The following GRIK2 variants were observed in gnomAD, a reference collection of about 807,000 sequenced individuals.
GRIK2 encodes glutamate receptor ionotropic, kainate 2.
Under a neutral mutation model 100.3 loss-of-function variants are expected in GRIK2, and 32 were observed. The observed-to-expected ratio is 0.32, with a 90% CI of 0.24 to 0.43. The LOEUF is 0.43. Among genes scored for constraint, GRIK2 ranks in the 20% least tolerant of loss-of-function variants. The pLI, the probability that GRIK2 is intolerant of heterozygous loss-of-function variation, is 1.00. For missense variants in GRIK2, 843 were observed against 1,114.9 expected (o/e 0.76, Z 3.47); for synonymous variants, 417 against 389.4 (o/e 1.07, Z -0.83).
chr6:101,797,027 G>T (rs1362953136), intron 7 of GRIK2, among the ~76,000 whole-genome samples: 1 of 151,894 alleles, frequency 6.6e-6, no homozygotes, highest in Non-Finnish European at 1.5e-5. Flanking sequence ...TATTAAATAA[G>T]GTTACTACTC....
chr6:101,979,765 A>G (rs185555393), intron 14 of GRIK2, among the ~76,000 whole-genome samples: 1 of 152,096 alleles, frequency 6.6e-6, no homozygotes, highest in East Asian at 2.0e-4. Context: ...GACATTTTCT[A>G]TATGTTAAGC....
chr6:101,917,026 G>A (rs1562485842), intron 12 of GRIK2, among the ~76,000 whole-genome samples: 1 of 151,512 alleles, frequency 6.6e-6, no homozygotes, highest in Non-Finnish European at 1.5e-5. Flanking sequence ...CAGATAGGTG[G>A]TAAGGTTGTC....
intron 2 of GRIK2, among the ~76,000 whole-genome samples, chr6:101,577,626 T>G (rs1368703629): frequency 6.6e-6 from 1 of 152,160 alleles, no homozygotes; most frequent in Non-Finnish European, 1.5e-5. Context: ...ATAGTGGATC[T>G]GTTTATCTTA....
chr6:102,045,055 A>C (rs933263400), intron 15 of GRIK2, among the ~76,000 whole-genome samples: 1 of 152,070 alleles, frequency 6.6e-6, no homozygotes, highest in Non-Finnish European at 1.5e-5. Flanking sequence ...ACCATAAATG[A>C]ATCAATTTTT....
At chr6:101,679,739 A>G (rs1044887790) in intron 5 of GRIK2, among the ~76,000 whole-genome samples, 5 of 151,908 alleles carry the variant, frequency 3.3e-5, no homozygotes, top group East Asian at 1.9e-4. Context: ...TCTACCTCCA[A>G]TTTTGTTTGT....
At chr6:101,843,826 A>G (rs1783655398) in intron 10 of GRIK2, among the ~76,000 whole-genome samples, 1 of 152,160 alleles carries the variant, frequency 6.6e-6, no homozygotes, top group Non-Finnish European at 1.5e-5. Context: ...ATTTAAGTTT[A>G]TTTTAATTTT....
chr6:101,393,904 G>C (rs191485996), intron 1 of GRIK2, among the ~76,000 whole-genome samples, 67 bp downstream of exon 1: 30 of 151,876 alleles, frequency 2.0e-4, no homozygotes, highest in Non-Finnish European at 3.7e-4. Flanking sequence ...TCAAGAGGAC[G>C]GGAGGGACTG....
intron 2 of GRIK2, among the ~76,000 whole-genome samples, chr6:101,482,759 C>T (rs530710271): frequency 3.3e-5 from 5 of 152,072 alleles, no homozygotes; most frequent in East Asian, 1.9e-4. Context: ...GAAGAAGTAA[C>T]GAATGAGATC....
At chr6:101,451,524 G>T (rs1253967317) in intron 2 of GRIK2, among the ~76,000 whole-genome samples, 1 of 151,544 alleles carries the variant, frequency 6.6e-6, no homozygotes, top group Non-Finnish European at 1.5e-5. Context: ...ATTTGTTTCT[G>T]TTGTCTTATG....
intron 5 of GRIK2, among the ~76,000 whole-genome samples, chr6:101,678,640 T>G (rs1053790429): frequency 2.4e-4 from 37 of 152,200 alleles, no homozygotes; most frequent in African/African-American, 8.4e-4. Context: ...TTTAATAGGG[T>G]CCTATTTTGT....
chr6:101,954,929 C>T (rs1407758750), intron 14 of GRIK2, among the ~76,000 whole-genome samples: 1 of 152,076 alleles, frequency 6.6e-6, no homozygotes. Context: ...CTGAATTTGT[C>T]AATGCTTTTC....
intron 2 of GRIK2, among the ~76,000 whole-genome samples, chr6:101,518,729 G>A (rs1443809061): frequency 6.6e-6 from 1 of 152,088 alleles, no homozygotes; most frequent in Non-Finnish European, 1.5e-5. Flanking sequence ...GGGGTCTGAG[G>A]AGGCCTGCAA....
intron 7 of GRIK2, among the ~76,000 whole-genome samples, chr6:101,780,386 T>A (rs1396140571): frequency 6.6e-6 from 1 of 152,182 alleles, no homozygotes; most frequent in Admixed American, 6.5e-5. Context: ...ATCTTATTTC[T>A]GCCAATCTTT....
intron 12 of GRIK2, among the ~76,000 whole-genome samples, chr6:101,901,561 A>G (rs1250965941): frequency 6.6e-6 from 1 of 151,856 alleles, no homozygotes; most frequent in Non-Finnish European, 1.5e-5. Context: ...TGGCTACATT[A>G]AATAAACTAA....
chr6:101,494,878 G>A (rs780630440), intron 2 of GRIK2, among the ~76,000 whole-genome samples: 2 of 150,682 alleles, frequency 1.3e-5, no homozygotes, highest in Non-Finnish European at 3.0e-5. Flanking sequence ...AGGTTGTAGT[G>A]AGCTGAGATT....
chr6:101,859,102 A>G (rs955170379), intron 10 of GRIK2, among the ~76,000 whole-genome samples, 185 bp from the exon 11 acceptor site: 2 of 152,072 alleles, frequency 1.3e-5, no homozygotes, highest in African/African-American at 2.4e-5. Context: ...AAGCACTACT[A>G]TTTCATATAA....
In GRIK2 at chr6:101,399,105, A is replaced by C; in HGVS notation, c.-173A>C. ...TTGTTCCTTGGCGCAGTGAGTGAAGAACATGCAGCGATTGCTAATGGGTTT... is the reference window on the plus strand; with the variant it reads ...TTGTTCCTTGGCGCAGTGAGTGAAGCACATGCAGCGATTGCTAATGGGTTT... On this transcript the variant is annotated 5_prime_UTR_variant, in exon 2 of 17. Transcript: ENST00000369134. 3.5e-6 allele frequency: 2 copies of C among 564,480 alleles called. No homozygotes were observed. Among genetic ancestry groups the C allele is most frequent in the Non-Finnish European group, 6.3e-6 (2 of 315,446 alleles). The allele number at this position is 564,480 out of a possible 1,614,324, so 35.0% of individuals were successfully genotyped here.
At chr6:102,043,050 T>G (rs1376070641) in intron 15 of GRIK2, among the ~76,000 whole-genome samples, 1 of 151,724 alleles carries the variant, frequency 6.6e-6, no homozygotes, top group African/African-American at 2.4e-5. Context: ...TGATACATTT[T>G]ATATGCCATA....
At chr6:101,750,448 A>C (rs1776716757) in intron 7 of GRIK2, among the ~76,000 whole-genome samples, 2 of 152,172 alleles carry the variant, frequency 1.3e-5, no homozygotes, top group Non-Finnish European at 2.9e-5. Context: ...AATCATACTC[A>C]TTGGGAATAG....
Sources: allele counts gnomAD v4.1 joint callset (sites outside exome capture counted in the v4.1 genomes callset), GRCh38; gene constraint gnomAD v4.1.1; transcripts MANE v1.5; gene names NCBI Gene and HGNC (gene_info 2026-07-23, HGNC 2026-07-21).